The following RUVBL1 variants were observed in gnomAD, a reference collection of about 807,000 sequenced individuals.
The protein encoded by RUVBL1 is RuvB like AAA ATPase 1, also known as ruvB-like 1.
Under a neutral mutation model 52.4 loss-of-function variants are expected in RUVBL1, and 4 were observed. That is an observed-to-expected ratio of 0.08 (90% confidence interval 0.04 to 0.17). The LOEUF is 0.17. Among genes scored for constraint, RUVBL1 ranks in the 10% least tolerant of loss-of-function variants. RUVBL1 has a pLI of 1.00. For synonymous variants in RUVBL1, 217 were observed against 214.4 expected (o/e 1.01, Z -0.10); for missense variants, 298 against 572.8 (o/e 0.52, Z 4.90).
intron 2 of RUVBL1, 80 bp downstream of exon 2, chr3:128,119,248 G>C: frequency 9.8e-7 from 1 of 1,023,100 alleles, no homozygotes; most frequent in Non-Finnish European, 1.5e-6. Flanking sequence ...ACAAAGACTA[G>C]TTAAGACATG....
At chr3:128,091,016 G>A (rs1052128036) in intron 8 of RUVBL1, among the ~76,000 whole-genome samples, 1 of 152,248 alleles carries the variant, frequency 6.6e-6, no homozygotes, top group African/African-American at 2.4e-5. Context: ...ATTTCTTATA[G>A]TTTTTAAAGT....
rs758210492 is a variant in RUVBL1, at chr3:128,068,040, A to G, written c.940-2820T>C. The G allele has an allele frequency of 3.7e-6, 6 of 1,613,964 alleles. No homozygotes were observed. In the South Asian group the frequency reaches 4.4e-5, roughly 12 times the overall value. ...GATGAGAGGCCACCGAGAGACCTCC[A>G]TGGTCCATGAACTCAACCGGTGAGT... On this transcript the variant is annotated intron_variant, in intron 9 of 9. Coordinates refer to the RUVBL1 transcript ENST00000464873.
intron 1 of RUVBL1, among the ~76,000 whole-genome samples, chr3:128,143,492 T>A (rs1442791333): frequency 6.6e-6 from 1 of 152,144 alleles, no homozygotes; most frequent in Non-Finnish European, 1.5e-5. Context: ...CTTAATCACA[T>A]CTGTGGAGTC....
chr3:128,137,317 A>G (rs960598217), intron 1 of RUVBL1, among the ~76,000 whole-genome samples: 1 of 152,208 alleles, frequency 6.6e-6, no homozygotes, highest in Non-Finnish European at 1.5e-5. Context: ...AGAAAAAAAC[A>G]GAGAAGACCC....
chr3:128,152,986 CCA>C (rs1944269266), intron 1 of RUVBL1, among the ~76,000 whole-genome samples: 2 of 29,230 alleles, frequency 6.8e-5, no homozygotes, highest in African/African-American at 1.7e-4. Context: ...TTCCCCCCGC[CCA>C]CCCCGCCCCC....
intron 1 of RUVBL1, among the ~76,000 whole-genome samples, chr3:128,152,983 C>CCCCCT (rs1944268108): frequency 3.3e-5 from 1 of 30,604 alleles, no homozygotes; most frequent in Non-Finnish European, 5.9e-5. Flanking sequence ...GTCTTCCCCC[C>CCCCCT]GCCCACCCCG....
intron 2 of RUVBL1, among the ~76,000 whole-genome samples, chr3:128,115,166 A>G (rs1278611726): frequency 6.6e-6 from 1 of 152,124 alleles, no homozygotes; most frequent in East Asian, 1.9e-4. Context: ...TCTAGTTTGT[A>G]TTTTATAGAT....
intron 2 of RUVBL1, among the ~76,000 whole-genome samples, chr3:128,115,485 GTAAGTTGCCTAAAC>G (rs1341840730): frequency 6.6e-6 from 1 of 152,170 alleles, no homozygotes; most frequent in African/African-American, 2.4e-5. Context: ...TGTCACCCAG[GTAAGTTGCCTAAAC>G]TTTGGGACCC....
chr3:128,108,222 C>T (rs913210224), intron 3 of RUVBL1, among the ~76,000 whole-genome samples: 1 of 152,214 alleles, frequency 6.6e-6, no homozygotes, highest in Non-Finnish European at 1.5e-5. Context: ...CTCCCAACTT[C>T]ACAGAATTCA....
At chr3:128,069,460 G>A (rs1361455140) in intron 9 of RUVBL1, 2 of 1,605,960 alleles carry the variant, frequency 1.2e-6, no homozygotes, top group Non-Finnish European at 1.7e-6. Flanking sequence ...GGAGCTGACT[G>A]TGTCCCCTCC....
chr3:128,068,033 G>C, intron 9 of RUVBL1: 2 of 1,613,948 alleles, frequency 1.2e-6, no homozygotes, highest in Non-Finnish European at 1.7e-6. Flanking sequence ...GCCACCGAGA[G>C]ACCTCCATGG....
chr3:128,117,509 TG>T, intron 2 of RUVBL1, among the ~76,000 whole-genome samples: 2 of 152,292 alleles, frequency 1.3e-5, no homozygotes, highest in East Asian at 3.9e-4. Context: ...TGCCCCAGGT[TG>T]AAAACCACTG....
At chr3:128,151,249 C>T (rs1312364769) in intron 1 of RUVBL1, among the ~76,000 whole-genome samples, 2 of 138,310 alleles carry the variant, frequency 1.4e-5, no homozygotes, top group South Asian at 2.2e-4. Flanking sequence ...CTCTATATAT[C>T]TATATATAAA....
At chr3:128,107,102 AAGAC>A (rs1401173388) in intron 3 of RUVBL1, among the ~76,000 whole-genome samples, 4 of 152,248 alleles carry the variant, frequency 2.6e-5, no homozygotes, top group African/African-American at 9.6e-5. Flanking sequence ...CCGGTGAAGT[AAGAC>A]CACTGATGGC....
At chr3:128,086,032 G>T (rs1942636589) in intron 9 of RUVBL1, among the ~76,000 whole-genome samples, 2 of 152,140 alleles carry the variant, frequency 1.3e-5, no homozygotes, top group African/African-American at 4.8e-5. Context: ...TTGAGACAGG[G>T]TCTCACTCTG....
At chr3:128,099,055 C>G (rs1377506912) in intron 6 of RUVBL1, 110 bp from the exon 7 acceptor site, 5 of 883,088 alleles carry the variant, frequency 5.7e-6, no homozygotes, top group Admixed American at 1.9e-5. Flanking sequence ...GGTATGGAGA[C>G]CCCTCCTCAA....
intron 8 of RUVBL1, among the ~76,000 whole-genome samples, chr3:128,095,809 T>G (rs1942955276): frequency 6.6e-6 from 1 of 152,136 alleles, no homozygotes; most frequent in Admixed American, 6.5e-5. Flanking sequence ...GCGATAGCTA[T>G]TCACAGGTGC....
chr3:128,129,294 T>C (rs1235315876), intron 1 of RUVBL1, among the ~76,000 whole-genome samples: 1 of 152,186 alleles, frequency 6.6e-6, no homozygotes, highest in Non-Finnish European at 1.5e-5. Context: ...AATTAAACCA[T>C]ACATTCTTAA....
intron 9 of RUVBL1, chr3:128,069,666 C>T (rs771626900): frequency 8.7e-6 from 14 of 1,613,500 alleles, no homozygotes; most frequent in Non-Finnish European, 1.1e-5. Context: ...CTTCTGAGCC[C>T]GTCTCCCGGA....
Sources: allele counts gnomAD v4.1 joint callset (sites outside exome capture counted in the v4.1 genomes callset), GRCh38; gene constraint gnomAD v4.1.1; transcripts MANE v1.5; gene names NCBI Gene and HGNC (gene_info 2026-07-23, HGNC 2026-07-21).